PHF8: variants seen among roughly 807,000 people sequenced by gnomAD.
PHF8 encodes the protein histone lysine demethylase PHF8.
A neutral mutation model predicts 74.4 loss-of-function variants in PHF8; 9 were observed. That is an observed-to-expected ratio of 0.12 (90% CI 0.07 to 0.21). PHF8 has a LOEUF of 0.21. Among genes scored for constraint, PHF8 ranks in the 10% least tolerant of loss-of-function variants. PHF8 has a pLI of 1.00. For missense variants in PHF8, 478 were observed against 816.6 expected (o/e 0.59, Z 5.05); for synonymous variants, 311 against 316.6 (o/e 0.98, Z 0.19).
chrX:53,991,460 G>A (rs1453075871), intron 14 of PHF8, among the ~76,000 whole-genome samples: 1 of 108,909 alleles, frequency 9.2e-6, no homozygotes, highest in Non-Finnish European at 1.9e-5. Context: ...CCAGGAGTTC[G>A]AGACCAGCCT....
upstream of PHF8, chrX:54,044,814 T>G: frequency 9.7e-7 from 1 of 1,031,210 alleles, no homozygotes; most frequent in Non-Finnish European, 1.3e-6. Flanking sequence ...GACTCCAAAC[T>G]ACAAAATTAA....
At chrX:54,008,882 C>T (rs2065937107) in intron 8 of PHF8, among the ~76,000 whole-genome samples, 1 of 110,502 alleles carries the variant, frequency 9.0e-6, no homozygotes, top group African/African-American at 3.3e-5. Context: ...TTTTAAAAAA[C>T]AATGAACATT....
At chrX:54,016,777 G>A in intron 5 of PHF8, 41 bp from the exon 6 acceptor site, 1 of 1,081,522 alleles carries the variant, frequency 9.2e-7, no homozygotes. Context: ...TAGTCTCAGG[G>A]ACTGTGGAAG....
intron 2 of PHF8, among the ~76,000 whole-genome samples, chrX:54,033,122 T>C (rs1557113033): frequency 9.0e-6 from 1 of 111,004 alleles, no homozygotes; most frequent in Non-Finnish European, 1.9e-5. Flanking sequence ...CACCTGGCAG[T>C]CATGAAGTGG....
rs781975355 is a variant in PHF8, at chrX:54,017,701, G to A, written c.414C>T (p.Pro138=). The A allele has an allele frequency of 8.3e-7, 1 of 1,207,722 alleles. No individual in the cohort carries two copies. The highest frequency in any genetic ancestry group is 1.8e-5 in the African/African-American group (1 of 57,037). Residue 138 remains proline (P), a synonymous_variant, in exon 5 of 22, where the codon CCC becomes CCT. Transcript: ENST00000338154. ...CATCCCTCACAGTGAATGATGGCGA[G>A]GGCAGCGTCATGCCCAACCCATCCT... is the stretch of plus-strand genomic sequence containing the variant. The part of the protein sequence containing the change: ...LKKDGLGMTL[P]SPSFTVRDVE...
chrX:54,009,440 G>A (rs1320848002), intron 8 of PHF8, among the ~76,000 whole-genome samples: 1 of 109,675 alleles, frequency 9.1e-6, no homozygotes, highest in African/African-American at 3.3e-5. Flanking sequence ...CTCATCTCAA[G>A]ACTAGAAAAA....
At chrX:53,952,315 C>A (rs1352877006) in intron 19 of PHF8, among the ~76,000 whole-genome samples, 1 of 106,630 alleles carries the variant, frequency 9.4e-6, no homozygotes, top group East Asian at 2.9e-4. Flanking sequence ...TAAAGGGAAA[C>A]CTTCAGGCTG....
chrX:54,042,615 G>A lies in PHF8; in HGVS notation c.98+16C>T. On this transcript the variant is annotated intron_variant, in intron 2 of 21. Transcript: ENST00000338154. Reference sequence around the variant, plus strand: ...CTGGCCACCGCACCCTGTGTAGCCTGGCCTGCCCTCCTTACCTGCCATGAA... The same window carrying A: ...CTGGCCACCGCACCCTGTGTAGCCTAGCCTGCCCTCCTTACCTGCCATGAA... 1 of 1,196,052 alleles carries A rather than the reference G, an allele frequency of 8.4e-7. No individual in the cohort carries two copies. Among genetic ancestry groups the A allele is most frequent in the Non-Finnish European group, 1.1e-6 (1 of 883,268 alleles).
At chrX:53,942,902 G>C (rs2064773940) in intron 20 of PHF8, 1 of 750,845 alleles carries the variant, frequency 1.3e-6, no homozygotes, top group Middle Eastern at 7.4e-4. Context: ...GGGCTGGAAG[G>C]AGGTCAGGGA....
intron 8 of PHF8, among the ~76,000 whole-genome samples, chrX:54,008,899 G>A (rs192193089): frequency 2.5e-3 from 277 of 110,149 alleles, no homozygotes; most frequent in Middle Eastern, 4.9e-3. Flanking sequence ...CATTCGGGCC[G>A]GGCACAGTGG....
intron 2 of PHF8, among the ~76,000 whole-genome samples, chrX:54,033,927 TA>T (rs1362565898): frequency 3.9e-4 from 35 of 89,323 alleles, no homozygotes; most frequent in African/African-American, 6.1e-4. Flanking sequence ...TTGTCTCAAA[TA>T]AAAAAAAAAA....
rs944637142 is a variant in PHF8, at chrX:53,938,712, G to C, written c.*446C>G. On this transcript the variant is annotated 3_prime_UTR_variant, in exon 22 of 22. Coordinates refer to ENST00000338154, the MANE Select transcript of PHF8 (RefSeq NM_015107.3). ...CTGGACTGGGGAAATGGGGCAAACAGAATGGGTGGAGGTGGGCAGGCTTCT... is the reference window on the plus strand; with the variant it reads ...CTGGACTGGGGAAATGGGGCAAACACAATGGGTGGAGGTGGGCAGGCTTCT... 5 of 759,249 alleles carry C rather than the reference G, an allele frequency of 6.6e-6. No homozygotes were observed. Among genetic ancestry groups the C allele is most frequent in the Non-Finnish European group, 6.2e-6 (4 of 643,818 alleles). 62.6% of individuals were successfully genotyped at this position (759,249 alleles called of 1,213,427 possible).
intron 18 of PHF8, among the ~76,000 whole-genome samples, chrX:53,966,211 C>CCCTCTCCCT (rs1280042543): frequency 3.6e-5 from 4 of 111,188 alleles, no homozygotes; most frequent in Admixed American, 9.5e-5. Flanking sequence ...CTCTCCCTCT[C>CCCTCTCCCT]CCTCTCCCTC....
At chrX:53,954,625 A>G (rs2064986493) in intron 19 of PHF8, among the ~76,000 whole-genome samples, 1 of 83,208 alleles carries the variant, frequency 1.2e-5, no homozygotes, top group Non-Finnish European at 2.3e-5. Context: ...CAAAATGTTC[A>G]TTAAATCTGG....
upstream of PHF8, among the ~76,000 whole-genome samples, chrX:54,046,761 A>C (rs937209272): frequency 9.0e-5 from 10 of 111,432 alleles, no homozygotes; most frequent in Non-Finnish European, 1.7e-4. Flanking sequence ...GCACTTTGGG[A>C]GGTCAGGATG....
chrX:53,980,387 G>T (rs782430728), intron 18 of PHF8, among the ~76,000 whole-genome samples: 1 of 111,110 alleles, frequency 9.0e-6, no homozygotes, highest in Non-Finnish European at 1.9e-5. Context: ...CGTCATGGGC[G>T]TATATGCACA....
Position 54,017,669 on chromosome X carries a change from T to A in PHF8, c.446A>T (p.His149Leu). 1 of 1,206,406 alleles carries A rather than the reference T, an allele frequency of 8.3e-7. No homozygotes were observed. The highest frequency in any genetic ancestry group is 1.1e-6 in the Non-Finnish European group (1 of 890,648). The change falls in exon 5 of 22, where the codon CAC (histidine) becomes CTC (leucine). Residue 149 changes from histidine to leucine, a missense_variant. By Grantham distance (99) the His-to-Leu change is moderately conservative. Coordinates refer to ENST00000338154, the MANE Select transcript of PHF8 (RefSeq NM_015107.3). ...SPSFTVRDVE[H>L]YVGSDKEIDV... is the part of the protein sequence containing the mutation. Reference sequence around the variant, plus strand: ...GGTCTGTAGTGTCTTACCAACATAGTGTTCAACATCCCTCACAGTGAATGA... The same window carrying A: ...GGTCTGTAGTGTCTTACCAACATAGAGTTCAACATCCCTCACAGTGAATGA...
chrX:53,972,344 A>AG (rs2065307816), intron 18 of PHF8, among the ~76,000 whole-genome samples: 1 of 104,718 alleles, frequency 9.5e-6, no homozygotes, highest in African/African-American at 3.5e-5. Context: ...AAAAAAAAAA[A>AG]GAAAAAGAAA....
chrX:53,965,342 CACA>C (rs2065168132), intron 18 of PHF8, among the ~76,000 whole-genome samples: 1 of 112,481 alleles, frequency 8.9e-6, no homozygotes, highest in African/African-American at 3.2e-5. Flanking sequence ...ATAAAAATCT[CACA>C]ACAACAAGGG....
Sources: allele counts gnomAD v4.1 joint callset (sites outside exome capture counted in the v4.1 genomes callset), GRCh38; gene constraint gnomAD v4.1.1; transcripts MANE v1.5; gene names NCBI Gene and HGNC (gene_info 2026-07-23, HGNC 2026-07-21).